ARHGAP15: variants seen among roughly 807,000 people sequenced by gnomAD.
The protein encoded by ARHGAP15 is rho GTPase-activating protein 15.
A neutral mutation model predicts 63.7 loss-of-function variants in ARHGAP15; 51 were observed. That is an observed-to-expected ratio of 0.80 (90% CI 0.64 to 1.01). ARHGAP15 has a LOEUF of 1.01. ARHGAP15 is among the 50% of genes least tolerant of loss of function. The pLI is 0.00. For missense variants in ARHGAP15, 560 were observed against 564.6 expected, an observed-to-expected ratio of 0.99 and a Z score of 0.08; for synonymous variants, 191 against 193.8, an observed-to-expected ratio of 0.99 and a Z score of 0.12.
intron 8 of ARHGAP15, among the ~76,000 whole-genome samples, chr2:143,445,164 T>TA (rs1690078742): frequency 7.6e-6 from 1 of 130,852 alleles, no homozygotes; most frequent in African/African-American, 2.9e-5. Flanking sequence ...TTTTTTTTTT[T>TA]TTTTTTTTTT....
At chr2:143,592,303 G>A (rs149929401) in intron 11 of ARHGAP15, among the ~76,000 whole-genome samples, 17 of 152,198 alleles carry the variant, frequency 1.1e-4, no homozygotes, top group African/African-American at 3.9e-4. Context: ...TCTGATCTTT[G>A]CCTATAATGT....
intron 6 of ARHGAP15, among the ~76,000 whole-genome samples, chr2:143,370,785 G>T (rs954100885): frequency 6.6e-6 from 1 of 152,178 alleles, no homozygotes; most frequent in East Asian, 1.9e-4. Flanking sequence ...CAGTGGTGAT[G>T]TGTGGTATTT....
At chr2:143,611,021 A>C (rs1383451175) in intron 11 of ARHGAP15, among the ~76,000 whole-genome samples, 2 of 152,058 alleles carry the variant, frequency 1.3e-5, no homozygotes, top group Non-Finnish European at 1.5e-5. Flanking sequence ...GAGCCACTGC[A>C]CCTGGCCTTT....
chr2:143,411,098 G>A (rs62172117), intron 6 of ARHGAP15, among the ~76,000 whole-genome samples: 39,274 of 151,992 alleles, frequency 0.26, 6,119 homozygotes, highest in Non-Finnish European at 0.35. Context: ...CCAGCTACTC[G>A]GGAGACTGAG....
At position 143,189,751 on chromosome 2, in the gene ARHGAP15, C is replaced by T. The variant is rs1021907834; in HGVS notation, c.166-12383C>T. ...TGCTGGGATTACAGGCGTGAGCCAC[C>T]GCACCCGGACTTGATCTTTTCTTTC... On this transcript the variant is annotated intron_variant, in intron 2 of 13. Coordinates refer to ENST00000295095, the MANE Select transcript of ARHGAP15 (RefSeq NM_018460.4). Among the ~76,000 whole-genome samples the T allele has an allele frequency of 2.6e-5, 4 of 152,024 alleles. No individual in the cohort carries two copies. The South Asian group carries it at 6.2e-4, about 24-fold the overall frequency.
intron 6 of ARHGAP15, among the ~76,000 whole-genome samples, chr2:143,329,763 C>T: frequency 6.6e-6 from 1 of 151,934 alleles, no homozygotes; most frequent in East Asian, 1.9e-4. Flanking sequence ...GTAATTTATA[C>T]ATATTTGCAC....
chr2:143,306,003 G>A (rs1032842536), intron 6 of ARHGAP15, among the ~76,000 whole-genome samples: 20 of 152,136 alleles, frequency 1.3e-4, no homozygotes, highest in African/African-American at 4.8e-4. Flanking sequence ...TAGTTTGTGA[G>A]AGGTACTTAC....
At chr2:143,317,622 A>G (rs1310964454) in intron 6 of ARHGAP15, among the ~76,000 whole-genome samples, 3 of 152,254 alleles carry the variant, frequency 2.0e-5, no homozygotes, top group African/African-American at 7.2e-5. Context: ...TTCATTAGAA[A>G]GACATCTAGT....
intron 6 of ARHGAP15, among the ~76,000 whole-genome samples, chr2:143,306,278 G>T (rs1290251394): frequency 6.6e-6 from 1 of 152,066 alleles, no homozygotes; most frequent in Non-Finnish European, 1.5e-5. Context: ...AGAAAACAGT[G>T]GTTACTACAG....
intron 6 of ARHGAP15, among the ~76,000 whole-genome samples, chr2:143,303,713 C>T (rs1467721922): frequency 2.0e-5 from 3 of 152,142 alleles, no homozygotes; most frequent in Non-Finnish European, 4.4e-5. Flanking sequence ...ATCTACTCAT[C>T]TGACAAAGGG....
chr2:143,250,587 AG>A lies in ARHGAP15; in HGVS notation c.462del (p.Asn155MetfsTer62), dbSNP rs1286545978. 1 of 1,612,870 alleles carries A rather than the reference AG, an allele frequency of 6.2e-7. No homozygotes were observed. Among genetic ancestry groups the A allele is most frequent in the African/African-American group, 1.3e-5 (1 of 75,002 alleles). On this transcript the variant is annotated frameshift_variant, in exon 6 of 14. Coordinates refer to ENST00000295095, the MANE Select transcript of ARHGAP15 (RefSeq NM_018460.4). LOFTEE classifies it high-confidence loss of function. ...TGGGCCAAGGAAAAATCGAGCAGAA[AG>A]AATGTCTTTCAGGTAAGAATGTTAC... ...IEWAKEKSSR[K>X]NVFQITTVSG...
chr2:143,457,427 T>C (rs978580703), intron 8 of ARHGAP15, among the ~76,000 whole-genome samples: 2 of 151,880 alleles, frequency 1.3e-5, no homozygotes, highest in African/African-American at 4.8e-5. Context: ...GCACCTGTAG[T>C]CCCAGGAGGC....
chr2:143,332,858 G>A (rs371816494), intron 6 of ARHGAP15, among the ~76,000 whole-genome samples: 2 of 151,772 alleles, frequency 1.3e-5, no homozygotes, highest in East Asian at 1.9e-4. Flanking sequence ...TATTAGTTCT[G>A]GAGTATAACT....
chr2:143,164,472 A>G (rs993796849), intron 2 of ARHGAP15, among the ~76,000 whole-genome samples: 2 of 151,944 alleles, frequency 1.3e-5, no homozygotes, highest in African/African-American at 2.4e-5. Context: ...TATGATTCCT[A>G]TTCACTTCCA....
intron 9 of ARHGAP15, among the ~76,000 whole-genome samples, chr2:143,518,599 T>G (rs1056779476): frequency 6.6e-6 from 1 of 152,210 alleles, no homozygotes; most frequent in Non-Finnish European, 1.5e-5. Flanking sequence ...TCGCAGGCCC[T>G]TTTTCCTGAA....
intron 6 of ARHGAP15, among the ~76,000 whole-genome samples, chr2:143,319,079 A>G (rs1034233508): frequency 1.3e-4 from 20 of 151,928 alleles, no homozygotes; most frequent in Non-Finnish European, 2.1e-4. Context: ...CATTTTAGCC[A>G]TCTGTCTCCT....
intron 6 of ARHGAP15, among the ~76,000 whole-genome samples, chr2:143,332,388 T>C (rs1404952428): frequency 2.0e-5 from 3 of 152,164 alleles, no homozygotes; most frequent in Non-Finnish European, 4.4e-5. Context: ...TTTTAAAAAA[T>C]GCTTAATAAG....
At chr2:143,378,936 A>T (rs1474299570) in intron 6 of ARHGAP15, among the ~76,000 whole-genome samples, 1 of 152,046 alleles carries the variant, frequency 6.6e-6, no homozygotes, top group Non-Finnish European at 1.5e-5. Context: ...TTGATGTTAC[A>T]TGTGATAAAC....
intron 9 of ARHGAP15, among the ~76,000 whole-genome samples, chr2:143,505,650 AT>A (rs954807469): frequency 6.6e-6 from 1 of 152,188 alleles, no homozygotes; most frequent in Non-Finnish European, 1.5e-5. Context: ...GGGGAATGGC[AT>A]TCCTGAGTAG....
Sources: gnomAD v4.1 joint callset for allele counts (sites outside exome capture counted in the v4.1 genomes callset) on GRCh38, gnomAD v4.1.1 for gene constraint, MANE v1.5 for transcripts, NCBI Gene and HGNC (gene_info 2026-07-23, HGNC 2026-07-21) for gene names.